The following PDE4D variants were observed in gnomAD, a reference collection of about 807,000 sequenced individuals.
PDE4D encodes phosphodiesterase 4D.
Under a neutral mutation model 87.4 loss-of-function variants are expected in PDE4D, and 24 were observed. The ratio of observed to expected loss-of-function variants is 0.27; its 90% CI spans 0.20 to 0.39. The LOEUF (loss-of-function observed/expected upper bound fraction) is 0.39. Among genes scored for constraint, PDE4D ranks in the 10% least tolerant of loss-of-function variants. The pLI is 1.00. For missense variants in PDE4D, 714 were observed against 1,041.0 expected, an observed-to-expected ratio of 0.69 and a Z score of 4.32; for synonymous variants, 384 against 383.2, an observed-to-expected ratio of 1.00 and a Z score of -0.02.
intron 5 of PDE4D, among the ~76,000 whole-genome samples, chr5:59,116,039 C>T (rs932155764): frequency 6.6e-6 from 1 of 152,076 alleles, no homozygotes; most frequent in African/African-American, 2.4e-5. Context: ...GATGAATTAG[C>T]GTTTGCTGTA....
At chr5:60,469,334 TCA>T (rs1747641697) in intron 1 of PDE4D, among the ~76,000 whole-genome samples, 2 of 152,122 alleles carry the variant, frequency 1.3e-5, no homozygotes, top group Admixed American at 1.3e-4. Flanking sequence ...CTACCCAGTC[TCA>T]GTCACCAGCT....
chr5:60,162,333 T>C (rs1159216929), intron 2 of PDE4D, among the ~76,000 whole-genome samples: 1 of 152,152 alleles, frequency 6.6e-6, no homozygotes, highest in East Asian at 1.9e-4. Context: ...ATGTTGTCCC[T>C]ATTCTTCCAT....
At chr5:59,041,458 C>G (rs1214170759) in intron 5 of PDE4D, among the ~76,000 whole-genome samples, 2 of 152,128 alleles carry the variant, frequency 1.3e-5, no homozygotes, top group African/African-American at 2.4e-5. Flanking sequence ...ATATTTTCCT[C>G]TCTCTCTCAT....
chr5:59,107,972 T>G (rs1009272105), intron 5 of PDE4D, among the ~76,000 whole-genome samples: 1 of 152,170 alleles, frequency 6.6e-6, no homozygotes. Flanking sequence ...AAGCAGGTCA[T>G]CTCAGCTAAG....
At chr5:60,033,597 A>G (rs1045252610) in intron 2 of PDE4D, among the ~76,000 whole-genome samples, 1 of 152,222 alleles carries the variant, frequency 6.6e-6, no homozygotes, top group African/African-American at 2.4e-5. Flanking sequence ...AATTGTAAAT[A>G]TTAACTTCCA....
intron 1 of PDE4D, among the ~76,000 whole-genome samples, chr5:59,387,007 A>T (rs1241193769): frequency 6.6e-6 from 1 of 152,166 alleles, no homozygotes; most frequent in Non-Finnish European, 1.5e-5. Context: ...TAATGTAAAA[A>T]AATCTCATTT....
chr5:59,447,192 C>A (rs940634559), intron 1 of PDE4D, among the ~76,000 whole-genome samples: 4 of 152,170 alleles, frequency 2.6e-5, no homozygotes, highest in Non-Finnish European at 5.9e-5. Flanking sequence ...TACCTTCACT[C>A]AACATGGCTA....
chr5:59,069,975 T>C (rs543636223), intron 5 of PDE4D, among the ~76,000 whole-genome samples: 1 of 152,272 alleles, frequency 6.6e-6, no homozygotes, highest in East Asian at 1.9e-4. Flanking sequence ...CCAGTCTTTC[T>C]AGAAGGTAGA....
intron 1 of PDE4D, among the ~76,000 whole-genome samples, chr5:59,435,438 G>A (rs1441550019): frequency 6.6e-6 from 1 of 152,122 alleles, no homozygotes; most frequent in South Asian, 2.1e-4. Flanking sequence ...GCCCACTGGG[G>A]CTTCCCAAAT....
At chr5:60,387,619 G>A (rs1344996319) in intron 1 of PDE4D, among the ~76,000 whole-genome samples, 1 of 152,140 alleles carries the variant, frequency 6.6e-6, no homozygotes, top group Non-Finnish European at 1.5e-5. Flanking sequence ...CCTTGTTCTA[G>A]GGTTGTTTTA....
intron 5 of PDE4D, among the ~76,000 whole-genome samples, chr5:59,062,683 A>G (rs574446039): frequency 6.7e-6 from 1 of 149,758 alleles, no homozygotes; most frequent in African/African-American, 2.4e-5. Flanking sequence ...TGGAATGTTT[A>G]CAATGAGTGA....
In PDE4D at chr5:59,103,259, A is replaced by G. The variant is rs558799271; in HGVS notation, c.809-64288T>C. 8.7e-4 allele frequency among the ~76,000 whole-genome samples: 133 copies of G among 152,260 alleles called. 3 individuals carry two copies. The South Asian group carries it at 0.026, about 30-fold the overall frequency. On this transcript the variant is annotated intron_variant, in intron 5 of 14. Transcript: ENST00000340635. ...AAAGGTCAGTCTTTGAAATTTGTAT[A>G]TATTACAAAGACCCAGTCCAAAAGG...
intron 1 of PDE4D, among the ~76,000 whole-genome samples, chr5:59,424,080 G>A (rs1004920789): frequency 4.6e-5 from 7 of 152,110 alleles, no homozygotes; most frequent in Admixed American, 6.6e-5. Context: ...TTAGGCTGAG[G>A]GAGAGGAAGC....
chr5:59,704,562 A>G (rs1241741240), intron 1 of PDE4D, among the ~76,000 whole-genome samples: 1 of 152,194 alleles, frequency 6.6e-6, no homozygotes, highest in African/African-American at 2.4e-5. Context: ...CTGGATAAAA[A>G]CTGAGATAAC....
intron 1 of PDE4D, among the ~76,000 whole-genome samples, chr5:59,769,078 T>C (rs964423297): frequency 4.2e-5 from 6 of 142,720 alleles, no homozygotes; most frequent in African/African-American, 5.9e-5. Context: ...TTTTCTCTCT[T>C]TTTTTTTTAA....
chr5:59,918,159 A>G (rs1012217153), intron 3 of PDE4D, among the ~76,000 whole-genome samples: 3 of 152,150 alleles, frequency 2.0e-5, no homozygotes. Flanking sequence ...TTATGGTTTG[A>G]AAGATAAATA....
chr5:60,500,029 C>T (rs1749995673), intron 1 of PDE4D, among the ~76,000 whole-genome samples: 1 of 152,086 alleles, frequency 6.6e-6, no homozygotes, highest in South Asian at 2.1e-4. Context: ...AAAACCCAGG[C>T]TGGGTGTGGT....
intron 1 of PDE4D, among the ~76,000 whole-genome samples, chr5:59,716,040 T>G (rs1210914482): frequency 6.6e-6 from 1 of 152,192 alleles, no homozygotes; most frequent in Non-Finnish European, 1.5e-5. Flanking sequence ...CTTAGACCTG[T>G]GTGTCCAAGG....
rs376933121 is a variant in PDE4D, at chr5:60,371,699, C to T, written c.-90+116243G>A. On this transcript the variant is annotated intron_variant, in intron 1 of 16. Transcript: ENST00000502484. ...AGGCACCTTCTCCCCTGAAATATAA[C>T]CACCATTCTGACTTCTAACACCAGA... 3.3e-5 allele frequency among the ~76,000 whole-genome samples: 5 copies of T among 152,250 alleles called. 1 individual carries two copies. The East Asian group carries it at 5.8e-4, about 18-fold the overall frequency.
Sources: allele counts gnomAD v4.1 joint callset (sites outside exome capture counted in the v4.1 genomes callset), GRCh38; gene constraint gnomAD v4.1.1; transcripts MANE v1.5; gene names NCBI Gene and HGNC (gene_info 2026-07-23, HGNC 2026-07-21).